Variants in ATP10B observed in about 807,000 individuals in gnomAD.
The protein encoded by ATP10B is ATPase phospholipid transporting 10B (putative).
ATP10B carries 122 observed loss-of-function variants against 141.2 expected under a neutral mutation model. That is an observed-to-expected ratio of 0.86 (90% CI 0.75 to 1.00). ATP10B has a LOEUF of 1.00. Among genes scored for constraint, ATP10B ranks in the 50% least tolerant of loss-of-function variants. The pLI, the probability that ATP10B is intolerant of heterozygous loss-of-function variation, is 0.00. For missense variants in ATP10B, 1,876 were observed against 1,825.3 expected, an observed-to-expected ratio of 1.03 and a Z score of -0.51; for synonymous variants, 685 against 692.0, an observed-to-expected ratio of 0.99 and a Z score of 0.16.
the ATP10B span, among the ~76,000 whole-genome samples, chr5:160,878,005 T>C: frequency 2.0e-5 from 3 of 151,586 alleles, no homozygotes; most frequent in African/African-American, 4.8e-5. Context: ...CTACCAATGA[T>C]TTTCTTCACA....
the ATP10B span, among the ~76,000 whole-genome samples, chr5:160,857,754 G>A: frequency 6.6e-6 from 1 of 151,694 alleles, no homozygotes; most frequent in Non-Finnish European, 1.5e-5. Context: ...GAGATTTGCT[G>A]TTTTATTCAT....
intron 1 of ATP10B, among the ~76,000 whole-genome samples, chr5:160,793,221 A>G (rs1771711387): frequency 6.8e-6 from 1 of 147,746 alleles, no homozygotes; most frequent in Admixed American, 6.7e-5. Flanking sequence ...TTTTTTTGCC[A>G]TACTCTTTAG....
At chr5:160,856,830 G>A (rs932358604), upstream of ATP10B, among the ~76,000 whole-genome samples, 4 of 151,770 alleles carry the variant, frequency 2.6e-5, no homozygotes, top group African/African-American at 9.7e-5. Context: ...ATATGATCAT[G>A]TAATTTTTCT....
At chr5:160,889,017 A>T in the ATP10B span, among the ~76,000 whole-genome samples, 1 of 152,188 alleles carries the variant, frequency 6.6e-6, no homozygotes, top group Admixed American at 6.5e-5. Context: ...ACTGTGGGGA[A>T]AAAATAGGGT....
chr5:160,832,599 T>C (rs1229098629), intron 1 of ATP10B, among the ~76,000 whole-genome samples: 1 of 152,176 alleles, frequency 6.6e-6, no homozygotes, highest in East Asian at 1.9e-4. Flanking sequence ...CAATTTTTAC[T>C]GTATAACCTG....
intron 16 of ATP10B, 129 bp downstream of exon 16, chr5:160,617,735 C>T: frequency 2.4e-6 from 2 of 821,100 alleles, no homozygotes; most frequent in Non-Finnish European, 1.9e-6. Flanking sequence ...TGTGGCAAGT[C>T]AGAACAGCTA....
At chr5:160,622,278 G>A in intron 14 of ATP10B, 116 bp downstream of exon 14, 1 of 1,037,184 alleles carries the variant, frequency 9.6e-7, no homozygotes, top group Admixed American at 2.9e-5. Flanking sequence ...AAATGACACT[G>A]TTGCTAGGAC....
intron 15 of ATP10B, among the ~76,000 whole-genome samples, chr5:160,618,710 T>C (rs752980240): frequency 6.6e-6 from 1 of 152,236 alleles, no homozygotes; most frequent in Non-Finnish European, 1.5e-5. Flanking sequence ...TATCTAATTC[T>C]ATAATAAGAA....
intron 24 of ATP10B, among the ~76,000 whole-genome samples, chr5:160,577,800 ATT>A (rs375933061): frequency 6.7e-6 from 1 of 149,188 alleles, no homozygotes; most frequent in Non-Finnish European, 1.5e-5. Context: ...AAACTTTATG[ATT>A]TTTTTTTTCT....
intron 1 of ATP10B, among the ~76,000 whole-genome samples, chr5:160,786,454 T>C (rs145142782): frequency 1.2e-4 from 18 of 152,164 alleles, no homozygotes; most frequent in African/African-American, 4.3e-4. Flanking sequence ...CTCACCAATA[T>C]AGAAAACAGG....
In ATP10B at chr5:160,617,887, G is replaced by A. The variant is rs762149091; in HGVS notation, c.2503C>T (p.Arg835Cys). The A allele has an allele frequency of 1.6e-5, 26 of 1,613,982 alleles. No homozygotes were observed. The East Asian group carries it at 1.8e-4, about 11-fold the overall frequency. ...HLDLYARDGL[R>C]TLCIAKKVVS... ...ACCTTCTTGGCAATGCATAGTGTGC[G>A]CAGGCCATCTCTTGCATACAAGTCT... is the stretch of plus-strand genomic sequence containing the variant. The change falls in exon 16 of 26, where the codon CGC (arginine) becomes TGC (cysteine). Residue 835 changes from arginine to cysteine, a missense_variant. Physicochemically the swap from Arg to Cys is radical, Grantham distance 180. Transcript: ENST00000327245.
rs772285071 is a variant in ATP10B at position 160,598,843 on chromosome 5, A to T, written c.3491T>A (p.Val1164Asp). The stretch of plus-strand genomic sequence containing the variant: ...TTCTGCAGAGATGTCTTTGTCAAGG[A>T]CTCCAAAGACAAGAGGAGGCAAGGA... Reference protein sequence around the residue: ...FTSLPPLVFGVLDKDISAETL... With the variant: ...FTSLPPLVFGDLDKDISAETL... Residue 1164 changes from valine (V) to aspartate (D), a missense_variant, in exon 22 of 26, where the codon GTC becomes GAC. Transcript: ENST00000327245. The T allele has an allele frequency of 6.2e-7, 1 of 1,614,148 alleles. No individual in the cohort carries two copies.
intron 1 of ATP10B, among the ~76,000 whole-genome samples, chr5:160,824,099 G>C (rs1774391508): frequency 6.6e-6 from 1 of 151,626 alleles, no homozygotes; most frequent in Admixed American, 6.6e-5. Flanking sequence ...TCGGCTTACT[G>C]CAAGCTCCGC....
At chr5:160,653,437 TACA>T (rs1302521136) in intron 7 of ATP10B, among the ~76,000 whole-genome samples, 7 of 45,684 alleles carry the variant, frequency 1.5e-4, no homozygotes, top group East Asian at 6.6e-4. Context: ...CATATGTACA[TACA>T]TACATAGGTA....
chr5:160,890,708 A>G, the ATP10B span, among the ~76,000 whole-genome samples: 2 of 149,896 alleles, frequency 1.3e-5, no homozygotes, highest in East Asian at 2.0e-4. Flanking sequence ...AGTTGTTTTC[A>G]TTTTTTTTTC....
chr5:160,645,060 T>G (rs1760178968), intron 8 of ATP10B, among the ~76,000 whole-genome samples: 1 of 146,936 alleles, frequency 6.8e-6, no homozygotes, highest in Non-Finnish European at 1.5e-5. Flanking sequence ...GAGGTTGCCG[T>G]GAGCCAAGAT....
intron 2 of ATP10B, among the ~76,000 whole-genome samples, chr5:160,769,911 C>T (rs1426317912): frequency 1.3e-5 from 2 of 152,092 alleles, no homozygotes; most frequent in African/African-American, 4.8e-5. Context: ...CATGATTTTG[C>T]CCGAAGGGGA....
intron 1 of ATP10B, among the ~76,000 whole-genome samples, chr5:160,799,517 A>C (rs1232225032): frequency 6.6e-6 from 1 of 152,166 alleles, no homozygotes; most frequent in Non-Finnish European, 1.5e-5. Flanking sequence ...ATTAATGCTG[A>C]TGTTTGCTTT....
At chr5:160,864,634 A>G in the ATP10B span, among the ~76,000 whole-genome samples, 1 of 152,032 alleles carries the variant, frequency 6.6e-6, no homozygotes, top group African/African-American at 2.4e-5. Context: ...AGGAAGTAAA[A>G]CTGTTGCTGT....
Sources: gnomAD v4.1 joint callset for allele counts (sites outside exome capture counted in the v4.1 genomes callset) on GRCh38, gnomAD v4.1.1 for gene constraint, MANE v1.5 for transcripts, NCBI Gene and HGNC (gene_info 2026-07-23, HGNC 2026-07-21) for gene names.